Variants in COL20A1 observed in about 807,000 individuals in gnomAD.
COL20A1 encodes collagen type XX alpha 1 chain.
In COL20A1, 164 loss-of-function variants were observed where a neutral mutation model predicts 152.9. The observed-to-expected ratio is 1.07, with a 90% CI of 0.94 to 1.22. The LOEUF (loss-of-function observed/expected upper bound fraction) is 1.22. Ranked by LOEUF, COL20A1 falls within the 50% of genes most tolerant of loss-of-function variation. The pLI is 0.00. For missense variants in COL20A1, 1,873 were observed against 1,744.8 expected, an observed-to-expected ratio of 1.07 and a Z score of -1.31; for synonymous variants, 864 against 756.0, an observed-to-expected ratio of 1.14 and a Z score of -2.34.
intron 5 of COL20A1, 43 bp from the exon 6 acceptor site, chr20:63,307,447 G>GGAT (rs1405705239): frequency 6.3e-7 from 1 of 1,581,310 alleles, no homozygotes; most frequent in African/African-American, 1.3e-5. Flanking sequence ...CTTGGACCAG[G>GGAT]GATGGGCCTC....
Position 63,326,740 on chromosome 20 carries a change from GTGTCTA to G in COL20A1, c.3457-9_3457-4del, listed in dbSNP as rs1310640040. On this transcript the variant is annotated splice_region_variant and splice_polypyrimidine_tract_variant and intron_variant, in intron 30 of 35. Coordinates refer to ENST00000358894, the MANE Select transcript of COL20A1 (RefSeq NM_020882.4). ...GGGCCCAAGCCAAACCCTGACTTCTGTGTCTATGCAGGGGTTCCAGGGCATGGCAGG... is the reference window on the plus strand; with the variant it reads ...GGGCCCAAGCCAAACCCTGACTTCTGTGCAGGGGTTCCAGGGCATGGCAGG... 1.4e-6 allele frequency: 2 copies of G among 1,440,728 alleles called. No homozygotes were observed. The highest frequency in any genetic ancestry group is 1.8e-6 in the Non-Finnish European group (2 of 1,099,394). The allele number at this position is 1,440,728 out of a possible 1,614,324, so 89.2% of individuals were successfully genotyped here. A position where few individuals can be genotyped will look rare whatever the true frequency, so the allele number is the denominator to read the frequency against.
At chr20:63,327,685 T>G (rs2068272002) in intron 31 of COL20A1, 2 of 543,316 alleles carry the variant, frequency 3.7e-6, no homozygotes, top group Admixed American at 3.1e-5. Context: ...TAGCACAAAA[T>G]CTACAGCCAG....
Position 63,319,386 on chromosome 20 carries a change from C to T in COL20A1, c.2807-101C>T, listed in dbSNP as rs2068127254. 1 of 1,114,270 alleles carries T rather than the reference C, an allele frequency of 9.0e-7. No homozygotes were observed. Among genetic ancestry groups the T allele is most frequent in the Non-Finnish European group, 1.3e-6 (1 of 777,556 alleles). 69.0% of individuals were successfully genotyped at this position (1,114,270 alleles called of 1,614,324 possible). On this transcript the variant is annotated intron_variant, in intron 22 of 35. Coordinates refer to ENST00000358894, the MANE Select transcript of COL20A1 (RefSeq NM_020882.4). This position sits in a 1 kb window ranked among gnomAD's most constrained non-coding sequence, Gnocchi z 4.4. Reference sequence around the variant, plus strand: ...TTGAGGGTCACCTCCAGCTTGGCACCCTCAGGGCTGCTCCTGTCCTGTCGT... The same window carrying T: ...TTGAGGGTCACCTCCAGCTTGGCACTCTCAGGGCTGCTCCTGTCCTGTCGT...
intron 30 of COL20A1, among the ~76,000 whole-genome samples, chr20:63,326,519 T>A (rs2068251267): frequency 6.6e-6 from 1 of 150,982 alleles, no homozygotes; most frequent in South Asian, 2.1e-4. Context: ...TGGGGACGTT[T>A]AGAGCAGCGT....
intron 20 of COL20A1, among the ~76,000 whole-genome samples, chr20:63,316,148 G>A (rs1415112358): frequency 6.6e-6 from 1 of 152,138 alleles, no homozygotes; most frequent in African/African-American, 2.4e-5. Context: ...ACGACCCTGG[G>A]CGGGCGGGGG....
At position 63,307,492 on chromosome 20, in the gene COL20A1, G is replaced by A. The variant is rs201827276; in HGVS notation, c.499G>A (p.Gly167Ser). 9.1e-4 allele frequency: 1,470 copies of A among 1,610,968 alleles called. 1 individual carries two copies. Among genetic ancestry groups the A allele is most frequent in the Non-Finnish European group, 1.1e-3 (1,303 of 1,179,172 alleles). The change falls in exon 6 of 36, where the codon GGC (glycine) becomes AGC (serine). Residue 167 changes from glycine (G) to serine (S), a missense_variant and splice_region_variant. Transcript: ENST00000358894. ...TPSQDPRTPA[G>S]PQFRCLPPVP... ...CTGACCCGCTCCCACCGCCCCAGCC[G>A]GCCCCCAGTTCCGCTGCCTGCCCCC...
intron 3 of COL20A1, among the ~76,000 whole-genome samples, chr20:63,301,253 T>C (rs1049081431): frequency 2.0e-5 from 3 of 152,132 alleles, no homozygotes; most frequent in Non-Finnish European, 4.4e-5. Context: ...AGGTGGAGGT[T>C]GCAGTGAGCC....
Position 63,319,586 on chromosome 20 carries a change from G to C in COL20A1, c.2906G>C (p.Ser969Thr), listed in dbSNP as rs757526959. 1.9e-6 allele frequency: 3 copies of C among 1,576,986 alleles called. No individual in the cohort carries two copies. In the Admixed American group the frequency reaches 5.4e-5, roughly 29 times the overall value. ...GAAGTGAGGAAGATTTTCTTCGGGA[G>C]CTTCCACAAGGTCCTGGTGCAGCTC... ...PQEVRKIFFG[S>T]FHKVHVAVGR... The change falls in exon 23 of 36, where the codon AGC becomes ACC. Residue 969 changes from serine to threonine, a missense_variant. Coordinates refer to ENST00000358894, the MANE Select transcript of COL20A1 (RefSeq NM_020882.4). The surrounding 1 kb of genome is among the most constrained non-coding windows in gnomAD (Gnocchi z 4.4).
At chr20:63,310,035 G>A (rs2067984548) in intron 10 of COL20A1, 120 bp downstream of exon 10, 1 of 971,370 alleles carries the variant, frequency 1.0e-6, no homozygotes. Flanking sequence ...TGAGAAGGGG[G>A]TGTCGAGGGG....
chr20:63,296,524 G>A (rs757265686), intron 2 of COL20A1, among the ~76,000 whole-genome samples: 7 of 152,216 alleles, frequency 4.6e-5, no homozygotes, highest in Admixed American at 1.3e-4. Flanking sequence ...GGCTGGGTGC[G>A]GCCACAGTCC....
At chr20:63,316,378 C>T (rs1174306728) in intron 20 of COL20A1, among the ~76,000 whole-genome samples, 175 bp from the exon 21 acceptor site, 1 of 151,964 alleles carries the variant, frequency 6.6e-6, no homozygotes, top group Non-Finnish European at 1.5e-5. Context: ...TGAAGCAGAC[C>T]CCTGCCCACC....
Position 63,311,749 on chromosome 20 carries a change from G to C in COL20A1, c.1663+1G>C. On this transcript the variant is annotated splice_donor_variant, in intron 13 of 35. Coordinates refer to ENST00000358894, the MANE Select transcript of COL20A1 (RefSeq NM_020882.4). LOFTEE classifies it high-confidence loss of function. This position sits in a 1 kb window ranked among gnomAD's most constrained non-coding sequence, Gnocchi z 4.4. The stretch of plus-strand genomic sequence containing the variant: ...GCCCGGGGCATCCGTGCCAGGACCC[G>C]TGAGTGCTCCAACCCCGGCTGCCTG... The C allele has an allele frequency of 6.3e-7, 1 of 1,589,516 alleles. No individual in the cohort carries two copies. The highest frequency in any genetic ancestry group is 1.1e-5 in the South Asian group (1 of 88,618).
chr20:63,304,776 C>A (rs1047500791), intron 3 of COL20A1, among the ~76,000 whole-genome samples: 1 of 152,222 alleles, frequency 6.6e-6, no homozygotes, highest in East Asian at 1.9e-4. Flanking sequence ...CCTTTTCTCC[C>A]TTGCCTTAGC....
chr20:63,327,560 G>C, intron 31 of COL20A1: 1 of 227,040 alleles, frequency 4.4e-6, no homozygotes, highest in Middle Eastern at 1.7e-3. Flanking sequence ...CCAAGGAGCT[G>C]GGGAGGTGGA....
At position 63,311,295 on chromosome 20, in the gene COL20A1, C is replaced by T. The variant is rs571745452; in HGVS notation, c.1394-99C>T. 1.0e-5 allele frequency: 13 copies of T among 1,268,748 alleles called. No individual in the cohort carries two copies. The highest frequency in any genetic ancestry group is 2.3e-4 in the Middle Eastern group (1 of 4,364). The allele number at this position is 1,268,748 out of a possible 1,614,324, so 78.6% of individuals were successfully genotyped here. A position where few individuals can be genotyped will look rare whatever the true frequency, so the allele number is the denominator to read the frequency against. On this transcript the variant is annotated intron_variant, in intron 11 of 35. Coordinates refer to ENST00000358894, the MANE Select transcript of COL20A1 (RefSeq NM_020882.4). This position sits in a 1 kb window ranked among gnomAD's most constrained non-coding sequence, Gnocchi z 4.4. ...CTTTGAATCCTGTGCACCTGCCAGG[C>T]GGTGGCCGTGCCCACCCACTCTGGT...
intron 1 of COL20A1, among the ~76,000 whole-genome samples, chr20:63,294,637 G>A (rs1017825568): frequency 1.3e-5 from 2 of 152,016 alleles, no homozygotes; most frequent in South Asian, 2.1e-4. Flanking sequence ...TGACCCTTCC[G>A]CCTCCAGGGC....
intron 3 of COL20A1, among the ~76,000 whole-genome samples, chr20:63,300,732 G>A (rs866609751): frequency 2.0e-5 from 3 of 152,044 alleles, no homozygotes; most frequent in Non-Finnish European, 2.9e-5. Flanking sequence ...ACTTAAGATG[G>A]ATGCTTAAGT....
At position 63,307,540 on chromosome 20, in the gene COL20A1, C is replaced by G. The variant is rs765251193; in HGVS notation, c.547C>G (p.Leu183Val). The change falls in exon 6 of 36, where the codon CTG (leucine) becomes GTG (valine). Residue 183 changes from leucine to valine, a missense_variant. Physicochemically the swap from Leu to Val is conservative, Grantham distance 32 (BLOSUM62 1). Coordinates refer to ENST00000358894, the MANE Select transcript of COL20A1 (RefSeq NM_020882.4). ...LPPVPADMVF[L>V]VDGSWSIGHS... Reference sequence around the variant, plus strand: ...CCCCGTGCCTGCTGACATGGTCTTCCTGGTGGACGGGTCCTGGAGCATTGG... The same window carrying G: ...CCCCGTGCCTGCTGACATGGTCTTCGTGGTGGACGGGTCCTGGAGCATTGG... 6.2e-7 allele frequency: 1 copy of G among 1,612,618 alleles called. No individual in the cohort carries two copies. Among genetic ancestry groups the G allele is most frequent in the Non-Finnish European group, 8.5e-7 (1 of 1,179,714 alleles).
chr20:63,293,668 T>C (rs2067744363), intron 1 of COL20A1, among the ~76,000 whole-genome samples: 1 of 152,102 alleles, frequency 6.6e-6, no homozygotes, highest in Non-Finnish European at 1.5e-5. Flanking sequence ...GCACTCGGGC[T>C]GCCCACTGGT....
Sources: allele counts gnomAD v4.1 joint callset (sites outside exome capture counted in the v4.1 genomes callset), GRCh38; gene constraint gnomAD v4.1.1; non-coding constraint Gnocchi (gnomAD v3.1); transcripts MANE v1.5; gene names NCBI Gene and HGNC (gene_info 2026-07-23, HGNC 2026-07-21).